PPP1R13B: variants seen among roughly 807,000 people sequenced by gnomAD.
The protein encoded by PPP1R13B is protein phosphatase 1 regulatory subunit 13B.
In PPP1R13B, 44 loss-of-function variants were observed where a neutral mutation model predicts 119.8. The ratio of observed to expected loss-of-function variants is 0.37; its 90% CI spans 0.29 to 0.47. PPP1R13B has a LOEUF of 0.47. Ranked by LOEUF, PPP1R13B falls within the 20% of genes least tolerant of loss-of-function variation. The probability of loss-of-function intolerance (pLI) is 0.99; values close to 1 mark genes in which losing one functional copy is unlikely to be tolerated. For synonymous variants in PPP1R13B, 542 were observed against 561.5 expected, an observed-to-expected ratio of 0.97 and a Z score of 0.49; for missense variants, 1,227 against 1,413.5, an observed-to-expected ratio of 0.87 and a Z score of 2.12.
At chr14:103,818,499 A>G in intron 1 of PPP1R13B, 1 of 982,844 alleles carries the variant, frequency 1.0e-6, no homozygotes, top group Non-Finnish European at 1.2e-6. Flanking sequence ...ACACAGGGAG[A>G]AGAACGAATA....
intron 2 of PPP1R13B, among the ~76,000 whole-genome samples, chr14:103,788,126 G>GA (rs113823420): frequency 0.085 from 12,120 of 142,450 alleles, 534 homozygotes; most frequent in African/African-American, 0.13. Flanking sequence ...AGAGAAAAAT[G>GA]AAAAAAAAAA....
intron 4 of PPP1R13B, among the ~76,000 whole-genome samples, chr14:103,761,809 T>C (rs2084813549): frequency 6.6e-6 from 1 of 151,572 alleles, no homozygotes; most frequent in Non-Finnish European, 1.5e-5. Context: ...TAAATAATGC[T>C]CTATAAGGAG....
intron 6 of PPP1R13B, 146 bp downstream of exon 6, chr14:103,753,924 T>G (rs2084611630): frequency 9.9e-7 from 1 of 1,008,520 alleles, no homozygotes; most frequent in Non-Finnish European, 1.5e-6. Context: ...CACCCATCCT[T>G]TTAGATGCAA....
Position 103,740,599 on chromosome 14 carries a change from G to A in PPP1R13B, c.1823-6C>T. The A allele has an allele frequency of 6.6e-7, 1 of 1,506,332 alleles. No individual in the cohort carries two copies. The highest frequency in any genetic ancestry group is 8.9e-7 in the Non-Finnish European group (1 of 1,128,498). 93.3% of individuals were successfully genotyped at this position (1,506,332 alleles called of 1,614,324 possible). On this transcript the variant is annotated splice_polypyrimidine_tract_variant and splice_region_variant and intron_variant, in intron 11 of 16. Transcript: ENST00000202556. The surrounding 1 kb of genome is among the most constrained non-coding windows in gnomAD (Gnocchi z 4.6). ...TAAAACGGGCTTACCATACACTGGG[G>A]AAGACACAAAGGACAGGCAATTTTG...
chr14:103,770,950 G>A (rs1230395966), intron 4 of PPP1R13B, among the ~76,000 whole-genome samples: 1 of 152,160 alleles, frequency 6.6e-6, no homozygotes, highest in African/African-American at 2.4e-5. Context: ...GTGAAGTCTG[G>A]CATTAGGAGG....
At chr14:103,805,768 C>A (rs1487154688) in intron 1 of PPP1R13B, among the ~76,000 whole-genome samples, 1 of 152,182 alleles carries the variant, frequency 6.6e-6, no homozygotes, top group East Asian at 1.9e-4. Context: ...TGAAAGAGGC[C>A]AGACACAAAA....
At chr14:103,735,912 G>T in intron 16 of PPP1R13B, 91 bp downstream of exon 16, 2 of 1,412,202 alleles carry the variant, frequency 1.4e-6, no homozygotes, top group Non-Finnish European at 1.9e-6. Flanking sequence ...GAGAAGCGAA[G>T]CCTCCCTCCC....
chr14:103,776,920 C>T (rs2085214107), intron 4 of PPP1R13B, among the ~76,000 whole-genome samples: 1 of 151,612 alleles, frequency 6.6e-6, no homozygotes, highest in African/African-American at 2.4e-5. Context: ...TTACTTGTTA[C>T]AGTTATCTTC....
chr14:103,802,545 G>A (rs1055074662), intron 1 of PPP1R13B, among the ~76,000 whole-genome samples: 1 of 152,078 alleles, frequency 6.6e-6, no homozygotes, highest in African/African-American at 2.4e-5. Context: ...TGCTCTCAAC[G>A]CTCTGAGCTA....
At chr14:103,769,148 C>T (rs751256447) in intron 4 of PPP1R13B, among the ~76,000 whole-genome samples, 4 of 152,066 alleles carry the variant, frequency 2.6e-5, no homozygotes, top group Non-Finnish European at 4.4e-5. Flanking sequence ...TGCAGTGGTG[C>T]GATCTTGGCT....
At position 103,739,975 on chromosome 14, in the gene PPP1R13B, G is replaced by C. The variant is rs373497065; in HGVS notation, c.2441C>G (p.Ala814Gly). The change falls in exon 12 of 17, where the codon GCC (alanine) becomes GGC (glycine). Residue 814 changes from alanine (A) to glycine (G), a missense_variant. Physicochemically the swap from Ala to Gly is moderately conservative, Grantham distance 60. Transcript: ENST00000202556. ...GTTGTTATTGTCCTCTGCCGGCTCG[G>C]CAGTTTGGTGGGTGGTTTGGGGACA... ...LICPQTTHQTAEPAEDNNNNV... is the reference protein window; with the variant it reads ...LICPQTTHQTGEPAEDNNNNV... 6.2e-7 allele frequency: 1 copy of C among 1,614,142 alleles called. No individual in the cohort carries two copies. Among genetic ancestry groups the C allele is most frequent in the Non-Finnish European group, 8.5e-7 (1 of 1,180,040 alleles).
chr14:103,847,062 C>A (rs2087059623), intron 1 of PPP1R13B: 2 of 1,015,032 alleles, frequency 2.0e-6, no homozygotes, highest in South Asian at 3.5e-5. Flanking sequence ...TCCCCGCGGC[C>A]GCGGAGGCCG....
At chr14:103,744,033 T>G (rs2084326017) in intron 9 of PPP1R13B, 1 of 152,242 alleles carries the variant, frequency 6.6e-6, no homozygotes, top group Admixed American at 6.5e-5. Flanking sequence ...CTGGACCAAC[T>G]GCCATCTTGC....
rs11847468 is a variant in PPP1R13B, at chr14:103,753,958, G to A, written c.631+112C>T. On this transcript the variant is annotated intron_variant, in intron 6 of 16. Coordinates refer to ENST00000202556, the MANE Select transcript of PPP1R13B (RefSeq NM_015316.3). ...AAATAACAGAGCAAAACTTGAGCACGCTTGCTATTTAGTCCTGTGAATTTG... is the reference window on the plus strand; with the variant it reads ...AAATAACAGAGCAAAACTTGAGCACACTTGCTATTTAGTCCTGTGAATTTG... The A allele has an allele frequency of 0.41, 535,080 of 1,297,152 alleles. 112,204 individuals are homozygous for A. The highest frequency in any genetic ancestry group is 0.56 in the African/African-American group (37,534 of 66,686). 80.4% of individuals were successfully genotyped at this position (1,297,152 alleles called of 1,614,324 possible).
At position 103,742,868 on chromosome 14, in the gene PPP1R13B, T is replaced by C. The variant is rs1187543422; in HGVS notation, c.1151-45A>G. 3 of 1,603,056 alleles carry C rather than the reference T, an allele frequency of 1.9e-6. No homozygotes were observed. The highest frequency in any genetic ancestry group is 2.7e-5 in the African/African-American group (2 of 74,716). On this transcript the variant is annotated intron_variant, in intron 9 of 16. Coordinates refer to ENST00000202556, the MANE Select transcript of PPP1R13B (RefSeq NM_015316.3). This position sits in a 1 kb window ranked among gnomAD's most constrained non-coding sequence, Gnocchi z 4.9. ...TTACGTAAAACTTTTCTCAATGTAG[T>C]TGAACCAACCTAAGAATAACACTCT...
At chr14:103,810,835 T>C (rs1035269866) in intron 1 of PPP1R13B, among the ~76,000 whole-genome samples, 1 of 150,574 alleles carries the variant, frequency 6.6e-6, no homozygotes, top group Non-Finnish European at 1.5e-5. Flanking sequence ...GTGCTTGTAA[T>C]CCCAGCACTT....
At chr14:103,810,071 G>C (rs984355174) in intron 1 of PPP1R13B, among the ~76,000 whole-genome samples, 29 of 149,054 alleles carry the variant, frequency 1.9e-4, no homozygotes, top group African/African-American at 6.9e-4. Flanking sequence ...TGATCTGCCC[G>C]CCTTGGCCTC....
intron 3 of PPP1R13B, among the ~76,000 whole-genome samples, chr14:103,780,516 A>G (rs1334749610): frequency 7.8e-4 from 101 of 129,226 alleles, no homozygotes; most frequent in Admixed American, 1.3e-3. Context: ...AAAAAAAAAG[A>G]CATTCACTGA....
intron 15 of PPP1R13B, chr14:103,736,968 A>C (rs185134117): frequency 2.4e-4 from 37 of 152,514 alleles, no homozygotes; most frequent in African/African-American, 8.7e-4. Flanking sequence ...CAGCTCTTGG[A>C]AAATGCGGCC....
Sources: gnomAD v4.1 joint callset for allele counts (sites outside exome capture counted in the v4.1 genomes callset) on GRCh38, gnomAD v4.1.1 for gene constraint, Gnocchi (gnomAD v3.1) non-coding constraint, MANE v1.5 for transcripts, NCBI Gene and HGNC (gene_info 2026-07-23, HGNC 2026-07-21) for gene names.